EMP2: variants seen among roughly 807,000 people sequenced by gnomAD.
EMP2 encodes the protein epithelial membrane protein 2.
EMP2 carries 19 observed loss-of-function variants against 13.7 expected under a neutral mutation model. The ratio of observed to expected loss-of-function variants is 1.38; its 90% CI spans 0.97 to 2.03. The LOEUF is 2.03. Among genes scored for constraint, EMP2 ranks in the 30% most tolerant of loss-of-function variants. The pLI is 0.00. For synonymous variants in EMP2, 97 were observed against 84.7 expected (o/e 1.15, Z -0.80); for missense variants, 253 against 220.7 (o/e 1.15, Z -0.93).
intron 1 of EMP2, among the ~76,000 whole-genome samples, chr16:10,573,930 C>CTTTTTTTTT (rs371646297): frequency 1.3e-4 from 11 of 83,206 alleles, no homozygotes; most frequent in Admixed American, 6.5e-4. Context: ...ATGGATAAAC[C>CTTTTTTTTT]TTTTTTTTTT....
rs976327289 is a variant in EMP2 at position 10,532,381 on chromosome 16, G to C, written c.*524C>G. Reference sequence around the variant, plus strand: ...TGGTTTGGATACAGACAGAATGCCAGGGACTACACCTGCTTCTCACTTGGA... The same window carrying C: ...TGGTTTGGATACAGACAGAATGCCACGGACTACACCTGCTTCTCACTTGGA... On this transcript the variant is annotated 3_prime_UTR_variant, in exon 5 of 5. Transcript: ENST00000359543. 3.9e-5 allele frequency: 6 copies of C among 152,616 alleles called. No homozygotes were observed. Among genetic ancestry groups the C allele is most frequent in the African/African-American group, 1.4e-4 (6 of 41,440 alleles). The allele number at this position is 152,616 out of a possible 1,614,324, so 9.5% of individuals were successfully genotyped here.
chr16:10,539,207 G>A (rs1035562113), intron 3 of EMP2, among the ~76,000 whole-genome samples: 1 of 152,090 alleles, frequency 6.6e-6, no homozygotes, highest in Non-Finnish European at 1.5e-5. Flanking sequence ...CAGCGTCCAC[G>A]CTGCACAGAA....
chr16:10,549,974 C>T (rs1411010390), intron 1 of EMP2, among the ~76,000 whole-genome samples: 2 of 149,424 alleles, frequency 1.3e-5, no homozygotes, highest in Non-Finnish European at 3.0e-5. Flanking sequence ...CATCCTCTGC[C>T]TCCCAGGTTC....
intron 1 of EMP2, among the ~76,000 whole-genome samples, chr16:10,554,783 C>T (rs1185514088): frequency 6.6e-6 from 1 of 152,102 alleles, no homozygotes; most frequent in Non-Finnish European, 1.5e-5. Context: ...GAACACGGTT[C>T]CCTGGAGCGG....
chr16:10,542,447 C>A (rs905915040), intron 3 of EMP2, among the ~76,000 whole-genome samples: 3 of 143,248 alleles, frequency 2.1e-5, no homozygotes, highest in Non-Finnish European at 4.6e-5. Flanking sequence ...ACCCTCCCCC[C>A]CCACCAACAA....
chr16:10,567,593 A>T (rs1456155957), intron 1 of EMP2, among the ~76,000 whole-genome samples: 1 of 152,178 alleles, frequency 6.6e-6, no homozygotes, highest in Non-Finnish European at 1.5e-5. Context: ...AGGTAAGGCC[A>T]GGTGTGGAGG....
chr16:10,534,454 A>C (rs2050632053), intron 4 of EMP2, among the ~76,000 whole-genome samples: 1 of 152,198 alleles, frequency 6.6e-6, no homozygotes, highest in South Asian at 2.1e-4. Flanking sequence ...TAAGGCCAAA[A>C]GCACCCTAAT....
intron 1 of EMP2, among the ~76,000 whole-genome samples, chr16:10,569,845 A>G (rs1048846664): frequency 2.0e-5 from 3 of 152,134 alleles, no homozygotes; most frequent in Non-Finnish European, 4.4e-5. Flanking sequence ...ATGTGACCCC[A>G]TGTCACACTG....
At chr16:10,562,453 G>T (rs2050879520) in intron 1 of EMP2, among the ~76,000 whole-genome samples, 2 of 150,984 alleles carry the variant, frequency 1.3e-5, no homozygotes, top group South Asian at 2.1e-4. Context: ...TGGCTTGCTG[G>T]AAGATAAGAT....
intron 1 of EMP2, among the ~76,000 whole-genome samples, chr16:10,560,345 C>T (rs2050862637): frequency 6.6e-6 from 1 of 152,208 alleles, no homozygotes; most frequent in South Asian, 2.1e-4. Context: ...CCGCCGCACG[C>T]AGGGTAGTAC....
At chr16:10,559,855 A>T (rs982733366) in intron 1 of EMP2, among the ~76,000 whole-genome samples, 1 of 152,100 alleles carries the variant, frequency 6.6e-6, no homozygotes, top group African/African-American at 2.4e-5. Context: ...TTGTATTTTT[A>T]GTAAAGACGG....
At chr16:10,535,771 G>A (rs932662508) in intron 4 of EMP2, among the ~76,000 whole-genome samples, 2 of 152,148 alleles carry the variant, frequency 1.3e-5, no homozygotes, top group African/African-American at 4.8e-5. Flanking sequence ...GAGGGTGGGG[G>A]GTCCACGCCT....
chr16:10,558,468 G>A (rs1399197913), intron 1 of EMP2, among the ~76,000 whole-genome samples: 3 of 131,798 alleles, frequency 2.3e-5, no homozygotes, highest in African/African-American at 6.6e-5. Flanking sequence ...TTAGTCCAAT[G>A]TTTGCTTAAA....
chr16:10,550,990 G>C (rs958256748), intron 1 of EMP2, among the ~76,000 whole-genome samples: 14 of 148,144 alleles, frequency 9.5e-5, no homozygotes, highest in African/African-American at 3.5e-4. Context: ...AAAAAAAATT[G>C]TAGAAGTGAT....
intron 1 of EMP2, among the ~76,000 whole-genome samples, chr16:10,578,805 T>G (rs2051002257): frequency 6.6e-6 from 1 of 152,170 alleles, no homozygotes; most frequent in African/African-American, 2.4e-5. Flanking sequence ...CCAAAAACCC[T>G]CAGTGGGAAA....
chr16:10,577,519 C>T (rs1238604951), intron 1 of EMP2, among the ~76,000 whole-genome samples: 2 of 152,186 alleles, frequency 1.3e-5, no homozygotes, highest in East Asian at 3.9e-4. Context: ...GGCTTCACCA[C>T]TCCTGGGGTG....
chr16:10,569,375 C>T (rs2050931428), intron 1 of EMP2, among the ~76,000 whole-genome samples: 1 of 152,178 alleles, frequency 6.6e-6, no homozygotes, highest in African/African-American at 2.4e-5. Flanking sequence ...CTCTGCTGCC[C>T]AGGCTGGAAT....
intron 3 of EMP2, among the ~76,000 whole-genome samples, chr16:10,541,721 G>A (rs1378637321): frequency 1.3e-5 from 2 of 152,134 alleles, no homozygotes; most frequent in Non-Finnish European, 2.9e-5. Context: ...GTGTTCCGTG[G>A]TTAAGGGTAC....
chr16:10,575,109 C>G (rs1467308023), intron 1 of EMP2, among the ~76,000 whole-genome samples: 1 of 152,034 alleles, frequency 6.6e-6, no homozygotes, highest in African/African-American at 2.4e-5. Flanking sequence ...ACCATCACTG[C>G]TTGGGGAATT....
Sources: gnomAD v4.1 joint callset for allele counts (sites outside exome capture counted in the v4.1 genomes callset) on GRCh38, gnomAD v4.1.1 for gene constraint, MANE v1.5 for transcripts, NCBI Gene and HGNC (gene_info 2026-07-23, HGNC 2026-07-21) for gene names.